TBC1D22A: variants seen among roughly 807,000 people sequenced by gnomAD.
The protein encoded by TBC1D22A is TBC1 domain family member 22A, also known as putative GTPase activator.
TBC1D22A carries 38 observed loss-of-function variants against 60.2 expected under a neutral mutation model. The observed-to-expected ratio is 0.63, with a 90% confidence interval of 0.49 to 0.83. The LOEUF (loss-of-function observed/expected upper bound fraction) is 0.83. Ranked by LOEUF, TBC1D22A falls within the 40% of genes least tolerant of loss-of-function variation. The probability of loss-of-function intolerance (pLI) is 0.00; values close to 1 mark genes in which losing one functional copy is unlikely to be tolerated. For missense variants in TBC1D22A, 628 were observed against 701.0 expected (o/e 0.90, Z 1.18); for synonymous variants, 302 against 281.7 (o/e 1.07, Z -0.72).
chr22:46,872,054 GA>G (rs2067314546), intron 4 of TBC1D22A, among the ~76,000 whole-genome samples: 2 of 152,128 alleles, frequency 1.3e-5, no homozygotes. Context: ...ATAAATTCAT[GA>G]AATGGGGATA....
chr22:46,854,416 C>T (rs2083091074), intron 4 of TBC1D22A, among the ~76,000 whole-genome samples: 1 of 152,136 alleles, frequency 6.6e-6, no homozygotes, highest in South Asian at 2.1e-4. Flanking sequence ...CTGAACAAGC[C>T]ACCCCTCTCC....
At position 47,013,072 on chromosome 22, in the gene TBC1D22A, G is replaced by A. The variant is rs200068797; in HGVS notation, c.1201+15363G>A. Reference sequence around the variant, plus strand: ...CCAGCCTCCCGCCCCGTGCGCGAGTGGAGCTGGACATAGCACTTGCTGTGG... The same window carrying A: ...CCAGCCTCCCGCCCCGTGCGCGAGTAGAGCTGGACATAGCACTTGCTGTGG... On this transcript the variant is annotated intron_variant, in intron 10 of 12. Transcript: ENST00000337137. 1.4e-4 allele frequency among the ~76,000 whole-genome samples: 22 copies of A among 152,360 alleles called. No individual in the cohort carries two copies. In the East Asian group the frequency reaches 4.3e-3, roughly 29 times the overall value.
chr22:47,040,061 C>T (rs909159503), intron 11 of TBC1D22A, among the ~76,000 whole-genome samples: 2 of 150,484 alleles, frequency 1.3e-5, no homozygotes, highest in African/African-American at 4.9e-5. Context: ...TCTCCTGCCT[C>T]AGCCTCTTGA....
At chr22:47,098,064 A>G (rs1409599241) in intron 11 of TBC1D22A, among the ~76,000 whole-genome samples, 1 of 151,682 alleles carries the variant, frequency 6.6e-6, no homozygotes, top group Non-Finnish European at 1.5e-5. Flanking sequence ...GTAGTAAAGA[A>G]AAAAAAAAGA....
chr22:46,798,493 G>A (rs1384105771), intron 4 of TBC1D22A, among the ~76,000 whole-genome samples: 1 of 152,252 alleles, frequency 6.6e-6, no homozygotes, highest in East Asian at 1.9e-4. Context: ...CCAGGCACAC[G>A]CAGTGCCCAT....
At chr22:46,809,911 C>T (rs1039026682) in intron 4 of TBC1D22A, among the ~76,000 whole-genome samples, 31 of 152,136 alleles carry the variant, frequency 2.0e-4, no homozygotes, top group African/African-American at 7.0e-4. Context: ...CATCATCCTC[C>T]TCTCCCATGC....
intron 11 of TBC1D22A, among the ~76,000 whole-genome samples, chr22:47,057,318 AC>A (rs2063428571): frequency 6.6e-6 from 1 of 152,088 alleles, no homozygotes; most frequent in South Asian, 2.1e-4. Context: ...CTTGCCTCCC[AC>A]CCCATGGTCC....
chr22:46,829,517 G>A (rs1241306188), intron 4 of TBC1D22A, among the ~76,000 whole-genome samples: 2 of 152,164 alleles, frequency 1.3e-5, no homozygotes, highest in African/African-American at 4.8e-5. Flanking sequence ...TTACTAGCAC[G>A]GAGAGAATAC....
intron 11 of TBC1D22A, among the ~76,000 whole-genome samples, chr22:47,073,441 G>T (rs1380509559): frequency 6.6e-6 from 1 of 152,190 alleles, no homozygotes; most frequent in East Asian, 1.9e-4. Context: ...AGAAGGCCCC[G>T]TGTGGATGCC....
chr22:46,884,433 T>C (rs2068008007), intron 5 of TBC1D22A, among the ~76,000 whole-genome samples: 1 of 152,084 alleles, frequency 6.6e-6, no homozygotes, highest in Non-Finnish European at 1.5e-5. Flanking sequence ...ACACAGGTGA[T>C]GAAGAGGGAG....
chr22:47,070,445 C>T (rs1403728310), intron 11 of TBC1D22A, among the ~76,000 whole-genome samples: 4 of 123,054 alleles, frequency 3.3e-5, no homozygotes, highest in African/African-American at 1.3e-4. Context: ...TGGACGCTGT[C>T]CCCTGTTGTT....
intron 4 of TBC1D22A, among the ~76,000 whole-genome samples, chr22:46,827,814 C>T (rs774898372): frequency 1.3e-5 from 2 of 152,152 alleles, no homozygotes; most frequent in African/African-American, 4.8e-5. Context: ...TCTACTGGGG[C>T]GGGCAGTGAA....
intron 11 of TBC1D22A, among the ~76,000 whole-genome samples, chr22:47,039,630 G>T (rs1386685539): frequency 6.9e-6 from 1 of 144,194 alleles, no homozygotes; most frequent in African/African-American, 2.6e-5. Flanking sequence ...ATGATGCAGA[G>T]ATAGCCCAGA....
chr22:46,999,966 A>T (rs1057472706), intron 10 of TBC1D22A, among the ~76,000 whole-genome samples: 2 of 152,156 alleles, frequency 1.3e-5, no homozygotes, highest in Admixed American at 6.5e-5. Context: ...CGGAGCTCGC[A>T]GTGAGCCGAG....
chr22:46,964,081 A>G (rs1389769031), intron 8 of TBC1D22A, among the ~76,000 whole-genome samples: 1 of 152,202 alleles, frequency 6.6e-6, no homozygotes, highest in African/African-American at 2.4e-5. Flanking sequence ...CTTGGCTGCC[A>G]GCGGCGTCTG....
chr22:46,854,754 GCTTTTACAGCT>G (rs1329189962), intron 4 of TBC1D22A, among the ~76,000 whole-genome samples: 1 of 152,090 alleles, frequency 6.6e-6, no homozygotes, highest in Non-Finnish European at 1.5e-5. Flanking sequence ...TTTGACCTCT[GCTTTTACAGCT>G]CCCCGTTGCT....
chr22:46,803,504 G>C (rs555295390), intron 4 of TBC1D22A, among the ~76,000 whole-genome samples: 2 of 152,312 alleles, frequency 1.3e-5, no homozygotes, highest in Non-Finnish European at 2.9e-5. Context: ...TGGTTCTTGC[G>C]ACCCGGCCGT....
intron 9 of TBC1D22A, among the ~76,000 whole-genome samples, chr22:46,982,073 G>A (rs2074535519): frequency 2.0e-5 from 3 of 152,176 alleles, no homozygotes; most frequent in Admixed American, 2.0e-4. Context: ...TGCTTAGGGA[G>A]CAGGAGTGTG....
At chr22:47,158,645 C>T (rs1371855131) in intron 12 of TBC1D22A, among the ~76,000 whole-genome samples, 1 of 152,156 alleles carries the variant, frequency 6.6e-6, no homozygotes, top group Admixed American at 6.5e-5. Flanking sequence ...GCCTCTGCTG[C>T]GTCCTGCTCA....
Sources: gnomAD v4.1 joint callset for allele counts (sites outside exome capture counted in the v4.1 genomes callset) on GRCh38, gnomAD v4.1.1 for gene constraint, MANE v1.5 for transcripts, NCBI Gene and HGNC (gene_info 2026-07-23, HGNC 2026-07-21) for gene names.